FAT4: variants seen among roughly 807,000 people sequenced by gnomAD.
FAT4 encodes the protein FAT atypical cadherin 4.
A neutral mutation model predicts 303.9 loss-of-function variants in FAT4; 84 were observed. The observed-to-expected ratio is 0.28, with a 90% confidence interval of 0.23 to 0.33. The LOEUF (loss-of-function observed/expected upper bound fraction) is 0.33. Among genes scored for constraint, FAT4 ranks in the 10% least tolerant of loss-of-function variants. The pLI is 1.00. For missense variants in FAT4, 6,005 were observed against 6,146.8 expected (o/e 0.98, Z 0.77); for synonymous variants, 2,307 against 2,298.8 (o/e 1.00, Z -0.10).
intron 3 of FAT4, among the ~76,000 whole-genome samples, chr4:125,405,012 A>C (rs1483623310): frequency 2.7e-5 from 4 of 149,862 alleles, no homozygotes; most frequent in Admixed American, 2.6e-4. Context: ...TTTTTTTTTA[A>C]ATTTTGGAAG....
At position 125,463,603 on chromosome 4, in the gene FAT4, C is replaced by G. The variant is rs758141491; in HGVS notation, c.11841C>G (p.Asn3947Lys). The change falls in exon 11 of 18, where the codon AAC (asparagine) becomes AAG (lysine). Residue 3947 changes from asparagine to lysine, a missense_variant. Physicochemically the swap from Asn to Lys is moderately conservative, Grantham distance 94. Transcript: ENST00000394329. ...CTTCAGTCAATTACTGTGAATGCAA[C>G]CCCTGCTTTAATGGTGGTTCCTGCC... ...CESSVNYCEC[N>K]PCFNGGSCQS... The G allele has an allele frequency of 6.2e-7, 1 of 1,600,766 alleles. No individual in the cohort carries two copies. The highest frequency in any genetic ancestry group is 1.1e-5 in the South Asian group (1 of 88,850).
At position 125,406,870 on chromosome 4, in the gene FAT4, C is replaced by T. The variant is rs543998358; in HGVS notation, c.5308-10C>T. ...TTCCAATAGCTCAGATGCTTGGTCT[C>T]TTTTTTTAGGGTGCAAATGCTCTCG... On this transcript the variant is annotated splice_polypyrimidine_tract_variant and intron_variant, in intron 3 of 17. Transcript: ENST00000394329. 14 of 1,611,772 alleles carry T rather than the reference C, an allele frequency of 8.7e-6. No individual in the cohort carries two copies. The Admixed American group carries it at 2.2e-4, about 25-fold the overall frequency.
chr4:125,347,167 AG>A (rs1732036127), intron 2 of FAT4, among the ~76,000 whole-genome samples: 1 of 151,208 alleles, frequency 6.6e-6, no homozygotes, highest in African/African-American at 2.4e-5. Context: ...TCCAAACCAT[AG>A]ATATATATTA....
rs765483374 is a variant in FAT4 at position 125,423,776 on chromosome 4, G to A, written c.7018+7154G>A. ...CCTGCAAAGCCACAGGGGCAGAGCT[G>A]CCCAAGACCATGGGAGCCCATGTCT... On this transcript the variant is annotated intron_variant, in intron 7 of 17. Coordinates refer to ENST00000394329, the MANE Select transcript of FAT4 (RefSeq NM_001291303.3). Among the ~76,000 whole-genome samples, 15 of 152,278 alleles carry A rather than the reference G, an allele frequency of 9.9e-5. No individual in the cohort carries two copies. The East Asian group carries it at 2.5e-3, about 26-fold the overall frequency.
intron 7 of FAT4, among the ~76,000 whole-genome samples, chr4:125,428,917 T>C (rs1013355236): frequency 6.6e-6 from 1 of 152,196 alleles, no homozygotes; most frequent in African/African-American, 2.4e-5. Flanking sequence ...GGAGCCCGTG[T>C]CATTATATCC....
At chr4:125,387,818 C>T (rs936426307) in intron 2 of FAT4, among the ~76,000 whole-genome samples, 4 of 152,142 alleles carry the variant, frequency 2.6e-5, no homozygotes, top group Admixed American at 1.3e-4. Flanking sequence ...TTATTTAGAA[C>T]ATGGAAACAA....
Position 125,316,971 on chromosome 4 carries a change from T to C in FAT4, c.560T>C (p.Leu187Pro), listed in dbSNP as rs776637789. 6.2e-7 allele frequency: 1 copy of C among 1,614,014 alleles called. No individual in the cohort carries two copies. The highest frequency in any genetic ancestry group is 8.5e-7 in the Non-Finnish European group (1 of 1,180,034). ...IRGNEAGRFR[L>P]DITLNPSGEG... is the part of the protein sequence containing the mutation. Reference sequence around the variant, plus strand: ...GGCAATGAGGCGGGGCGCTTCCGTCTGGACATCACCCTGAACCCGAGCGGC... The same window carrying C: ...GGCAATGAGGCGGGGCGCTTCCGTCCGGACATCACCCTGAACCCGAGCGGC... Residue 187 changes from leucine (L) to proline (P), a missense_variant, in exon 2 of 18, where the codon CTG (leucine) becomes CCG (proline). Physicochemically the swap from Leu to Pro is moderately conservative, Grantham distance 98 (BLOSUM62 -3). Transcript: ENST00000394329. This position sits in a 1 kb window ranked among gnomAD's most constrained non-coding sequence, Gnocchi z 5.7.
At chr4:125,329,323 A>G (rs909673406) in intron 2 of FAT4, among the ~76,000 whole-genome samples, 1 of 152,230 alleles carries the variant, frequency 6.6e-6, no homozygotes, top group Non-Finnish European at 1.5e-5. Flanking sequence ...GCTAGATCCA[A>G]TGGCCTTTCT....
rs182890588 is a variant in FAT4, at chr4:125,316,300, A to T, written c.-12-100A>T. 145 of 1,419,072 alleles carry T rather than the reference A, an allele frequency of 1.0e-4. No homozygotes were observed. In the African/African-American group the frequency reaches 1.8e-3, roughly 18 times the overall value. 87.9% of individuals were successfully genotyped at this position (1,419,072 alleles called of 1,614,324 possible). A position where few individuals can be genotyped will look rare whatever the true frequency, so the allele number is the denominator to read the frequency against. ...GGTTCTTTGAAATAGCAGAGGTCTC[A>T]GACCAAGCCGTCAGCTGAATCTTTG... is the stretch of plus-strand genomic sequence containing the variant. On this transcript the variant is annotated intron_variant, in intron 1 of 17. Transcript: ENST00000394329. This position sits in a 1 kb window ranked among gnomAD's most constrained non-coding sequence, Gnocchi z 5.7.
intron 8 of FAT4, among the ~76,000 whole-genome samples, chr4:125,441,579 T>G (rs1333655402): frequency 1.3e-5 from 2 of 152,324 alleles, no homozygotes; most frequent in East Asian, 1.9e-4. Context: ...TTCCCAGCAT[T>G]ATAGGAAATA....
chr4:125,433,117 C>T (rs1379757430), intron 7 of FAT4, among the ~76,000 whole-genome samples: 1 of 152,084 alleles, frequency 6.6e-6, no homozygotes, highest in Non-Finnish European at 1.5e-5. Flanking sequence ...AAAGGAAATA[C>T]CAGCAAATCA....
At chr4:125,335,304 A>C (rs1731528086) in intron 2 of FAT4, among the ~76,000 whole-genome samples, 1 of 152,140 alleles carries the variant, frequency 6.6e-6, no homozygotes, top group Admixed American at 6.6e-5. Flanking sequence ...AATAGAATCC[A>C]TTTTTGTTGG....
At chr4:125,342,993 ATTAG>A (rs1477986828) in intron 2 of FAT4, among the ~76,000 whole-genome samples, 9 of 152,196 alleles carry the variant, frequency 5.9e-5, no homozygotes, top group Admixed American at 5.9e-4. Context: ...ATTGGCTAAT[ATTAG>A]TTTTATAAGT....
intron 10 of FAT4, among the ~76,000 whole-genome samples, chr4:125,454,153 T>G (rs1200170904): frequency 6.6e-6 from 1 of 152,234 alleles, no homozygotes; most frequent in Non-Finnish European, 1.5e-5. Context: ...ATAGATTGCT[T>G]TAACTTTTGT....
intron 2 of FAT4, among the ~76,000 whole-genome samples, chr4:125,366,713 C>T (rs1732900094): frequency 6.6e-6 from 1 of 152,104 alleles, no homozygotes; most frequent in Non-Finnish European, 1.5e-5. Context: ...TACAGTCCCA[C>T]CTACGGTGTA....
At chr4:125,462,282 A>G (rs1431690054) in intron 10 of FAT4, among the ~76,000 whole-genome samples, 1 of 151,966 alleles carries the variant, frequency 6.6e-6, no homozygotes, top group East Asian at 1.9e-4. Context: ...GTATGATGAA[A>G]TGAAGTATCT....
chr4:125,405,574 G>A (rs1314819669), intron 3 of FAT4, among the ~76,000 whole-genome samples: 7 of 151,628 alleles, frequency 4.6e-5, no homozygotes, highest in Admixed American at 2.0e-4. Flanking sequence ...ACAGTGGTGC[G>A]ATCTTGGCTC....
At chr4:125,357,461 A>G (rs1466209838) in intron 2 of FAT4, among the ~76,000 whole-genome samples, 1 of 152,152 alleles carries the variant, frequency 6.6e-6, no homozygotes, top group Non-Finnish European at 1.5e-5. Context: ...GTACTTTAAT[A>G]GTAACAAAGG....
chr4:125,340,386 C>T (rs1578538429), intron 2 of FAT4, among the ~76,000 whole-genome samples: 1 of 75,162 alleles, frequency 1.3e-5, no homozygotes, highest in East Asian at 2.4e-4. Flanking sequence ...TAAGAAACAA[C>T]TCTTTTTTTT....
Sources: gnomAD v4.1 joint callset for allele counts (sites outside exome capture counted in the v4.1 genomes callset) on GRCh38, gnomAD v4.1.1 for gene constraint, Gnocchi (gnomAD v3.1) non-coding constraint, MANE v1.5 for transcripts, NCBI Gene and HGNC (gene_info 2026-07-23, HGNC 2026-07-21) for gene names.